Variants in ITGB8 observed in about 807,000 individuals in gnomAD.
The protein encoded by ITGB8 is integrin beta-8.
In ITGB8, 30 loss-of-function variants were observed where a neutral mutation model predicts 89.5. The observed-to-expected ratio is 0.34, with a 90% CI of 0.25 to 0.45. The LOEUF is 0.45. Ranked by LOEUF, ITGB8 falls within the 20% of genes least tolerant of loss-of-function variation. The pLI is 1.00. For missense variants in ITGB8, 836 were observed against 933.3 expected, an observed-to-expected ratio of 0.90 and a Z score of 1.36; for synonymous variants, 335 against 320.4, an observed-to-expected ratio of 1.05 and a Z score of -0.49.
intron 6 of ITGB8, among the ~76,000 whole-genome samples, chr7:20,385,415 C>G (rs1369437391): frequency 6.6e-6 from 1 of 152,176 alleles, no homozygotes; most frequent in Non-Finnish European, 1.5e-5. Flanking sequence ...TATGCCTCAT[C>G]ACATTATGGC....
intron 9 of ITGB8, 167 bp downstream of exon 9, chr7:20,399,161 T>G: frequency 1.5e-6 from 1 of 648,582 alleles, no homozygotes; most frequent in Non-Finnish European, 2.6e-6. Flanking sequence ...TCCTACTTGT[T>G]TTAGCTCAGC....
Position 20,409,674 on chromosome 7 carries a change from T to C in ITGB8, c.2083T>C (p.Leu695=). The part of the protein sequence containing the change: ...IFFIIFIVTF[L]IGLLKVLIIR... ...TTTCATCATTTTCATAGTTACATTC[T>C]TGATTGGGTTGCTTAAAGTCCTGAT... Residue 695 remains leucine, a synonymous_variant, in exon 13 of 14, where the codon TTG becomes CTG. Transcript: ENST00000222573. 1 of 1,611,432 alleles carries C rather than the reference T, an allele frequency of 6.2e-7. No homozygotes were observed. Among genetic ancestry groups the C allele is most frequent in the Non-Finnish European group, 8.5e-7 (1 of 1,178,402 alleles).
chr7:20,341,121 G>A lies in ITGB8; in HGVS notation c.127+9188G>A, dbSNP rs1431748422. 2.0e-5 allele frequency among the ~76,000 whole-genome samples: 3 copies of A among 152,198 alleles called. No individual in the cohort carries two copies. The South Asian group carries it at 6.2e-4, about 32-fold the overall frequency. On this transcript the variant is annotated intron_variant, in intron 1 of 13. Transcript: ENST00000222573. ...TTGTAGCAGAACTGCATTGTTGGCA[G>A]CAAAATGACTGGCTGGTCTCTTTCT...
intron 8 of ITGB8, among the ~76,000 whole-genome samples, chr7:20,395,612 G>C (rs117591397): frequency 1.3e-5 from 2 of 152,146 alleles, no homozygotes; most frequent in African/African-American, 4.8e-5. Context: ...TTCAACCTGC[G>C]TCATTCCTGA....
Position 20,360,813 on chromosome 7 carries a change from A to AAC in ITGB8, c.128-2820_128-2819dup, listed in dbSNP as rs530108022. ...TGAATTGTACTGTGATAAACATGTA[A>AAC]ACACAGGTGTCTTTTTGATATGATG... is the stretch of plus-strand genomic sequence containing the variant. On this transcript the variant is annotated intron_variant, in intron 1 of 13. Coordinates refer to ENST00000222573, the MANE Select transcript of ITGB8 (RefSeq NM_002214.3). 1.3e-4 allele frequency among the ~76,000 whole-genome samples: 20 copies of AAC among 151,486 alleles called. No individual in the cohort carries two copies. The East Asian group carries it at 3.5e-3, about 26-fold the overall frequency.
chr7:20,406,380 G>A (rs183009213), intron 12 of ITGB8, among the ~76,000 whole-genome samples: 51 of 152,160 alleles, frequency 3.4e-4, no homozygotes, highest in East Asian at 2.9e-3. Context: ...GTGAAACCCC[G>A]TCTCTACTAA....
Position 20,409,661 on chromosome 7 carries a change from C to A in ITGB8, c.2070C>A (p.Phe690Leu), listed in dbSNP as rs774846366. 2 of 1,610,530 alleles carry A rather than the reference C, an allele frequency of 1.2e-6. No homozygotes were observed. The highest frequency in any genetic ancestry group is 1.7e-6 in the Non-Finnish European group (2 of 1,178,396). The change falls in exon 13 of 14, where the codon TTC becomes TTA. Residue 690 changes from phenylalanine (F) to leucine (L), a missense_variant. Phe to Leu is a conservative substitution (Grantham distance 22). Coordinates refer to ENST00000222573, the MANE Select transcript of ITGB8 (RefSeq NM_002214.3). ...PSYLRIFFII[F>L]IVTFLIGLLK... ...ACTTGAGAATATTTTTCATCATTTT[C>A]ATAGTTACATTCTTGATTGGGTTGC...
At chr7:20,371,200 G>A (rs11976345) in intron 3 of ITGB8, among the ~76,000 whole-genome samples, 40,385 of 151,684 alleles carry the variant, frequency 0.27, 5,939 homozygotes, top group Non-Finnish European at 0.32. Flanking sequence ...GCCCATTTCC[G>A]GCAAAACCAA....
intron 5 of ITGB8, 109 bp from the exon 6 acceptor site, chr7:20,381,600 GTACCCACGCACATCGTTC>G: frequency 7.6e-6 from 5 of 658,646 alleles, no homozygotes; most frequent in Non-Finnish European, 1.0e-5. Flanking sequence ...CAGCAGCGTT[GTACCCACGCACATCGTTC>G]TAGCCTGACT....
chr7:20,387,111 A>C (rs1355850045), intron 6 of ITGB8, among the ~76,000 whole-genome samples: 1 of 152,212 alleles, frequency 6.6e-6, no homozygotes, highest in African/African-American at 2.4e-5. Flanking sequence ...TCATTTGTTA[A>C]AAACTGTCTT....
intron 1 of ITGB8, among the ~76,000 whole-genome samples, chr7:20,341,212 A>T (rs1312735684): frequency 6.6e-6 from 1 of 152,172 alleles, no homozygotes; most frequent in Non-Finnish European, 1.5e-5. Flanking sequence ...TTGGATTTTT[A>T]TGGGGAATTG....
At position 20,347,260 on chromosome 7, in the gene ITGB8, TG is replaced by T. The variant is rs1393512646; in HGVS notation, c.127+15329del. ...GGACTGAGATACTTTACTACTCAGG[TG>T]GTGGAAATAATTCCAGGCGTTTTGT... On this transcript the variant is annotated intron_variant, in intron 1 of 13. Coordinates refer to ENST00000222573, the MANE Select transcript of ITGB8 (RefSeq NM_002214.3). Among the ~76,000 whole-genome samples, 5 of 152,344 alleles carry T rather than the reference TG, an allele frequency of 3.3e-5. No homozygotes were observed. In the East Asian group the frequency reaches 9.6e-4, roughly 29 times the overall value.
At chr7:20,404,946 A>C in intron 11 of ITGB8, 93 bp downstream of exon 11, 2 of 1,040,574 alleles carry the variant, frequency 1.9e-6, no homozygotes, top group South Asian at 1.3e-5. Context: ...TGCCAGATAC[A>C]TTGTGACCAC....
At chr7:20,350,008 T>C (rs1363391088) in intron 1 of ITGB8, among the ~76,000 whole-genome samples, 4 of 152,200 alleles carry the variant, frequency 2.6e-5, no homozygotes, top group Non-Finnish European at 5.9e-5. Context: ...TGCTCATGCC[T>C]CTTTGCTGAC....
chr7:20,404,640 G>A lies in ITGB8; in HGVS notation c.1700G>A (p.Cys567Tyr). 6.2e-7 allele frequency: 1 copy of A among 1,613,804 alleles called. No individual in the cohort carries two copies. The highest frequency in any genetic ancestry group is 8.5e-7 in the Non-Finnish European group (1 of 1,179,802). Residue 567 changes from cysteine (C) to tyrosine (Y), a missense_variant, in exon 11 of 14, where the codon TGT (cysteine) becomes TAT (tyrosine). This residue lies in a region of ITGB8 where 422 missense variants were observed against 416.9 expected (regional missense o/e 1.01). Transcript: ENST00000222573. Reference sequence around the variant, plus strand: ...GTCTTCCTCACAGGGCATGGAGAGTGTGAAGCAGGCAGATGCCAATGCTTC... The same window carrying A: ...GTCTTCCTCACAGGGCATGGAGAGTATGAAGCAGGCAGATGCCAATGCTTC... ...HGNLCAGHGE[C>Y]EAGRCQCFSG...
chr7:20,393,769 C>A (rs1341284259), intron 7 of ITGB8, among the ~76,000 whole-genome samples: 1 of 152,178 alleles, frequency 6.6e-6, no homozygotes. Context: ...GGAAGCCCTT[C>A]TCCCTCATTA....
chr7:20,383,086 A>T (rs1329517670), intron 6 of ITGB8, among the ~76,000 whole-genome samples: 1 of 152,316 alleles, frequency 6.6e-6, no homozygotes, highest in East Asian at 1.9e-4. Flanking sequence ...TGGGAATCAC[A>T]GTATCAGAAG....
In ITGB8 at chr7:20,405,996, C is replaced by A. The variant is rs957034511; in HGVS notation, c.1914-66C>A. 1.1e-5 allele frequency: 10 copies of A among 940,698 alleles called. No individual in the cohort carries two copies. In the African/African-American group the frequency reaches 1.2e-4, roughly 11 times the overall value. 58.3% of individuals were successfully genotyped at this position (940,698 alleles called of 1,614,324 possible). A position where few individuals can be genotyped will look rare whatever the true frequency, so the allele number is the denominator to read the frequency against. Reference sequence around the variant, plus strand: ...TGTTATTTTGTCTTTTTTTTTCTTGCAGAAAATATTATAGTCCACCACCTT... The same window carrying A: ...TGTTATTTTGTCTTTTTTTTTCTTGAAGAAAATATTATAGTCCACCACCTT... On this transcript the variant is annotated intron_variant, in intron 11 of 13. Coordinates refer to ENST00000222573, the MANE Select transcript of ITGB8 (RefSeq NM_002214.3).
At chr7:20,363,615 A>T in intron 1 of ITGB8, 22 bp from the exon 2 acceptor site, 1 of 1,430,688 alleles carries the variant, frequency 7.0e-7, no homozygotes, top group East Asian at 2.4e-5. Flanking sequence ...GTAAATTATA[A>T]CTGTTTTCTC....
Sources: gnomAD v4.1 joint callset for allele counts (sites outside exome capture counted in the v4.1 genomes callset) on GRCh38, gnomAD v4.1.1 for gene constraint, gnomAD v4.1.1 regional missense constraint, MANE v1.5 for transcripts, NCBI Gene and HGNC (gene_info 2026-07-23, HGNC 2026-07-21) for gene names.